The following ELMO1 variants were observed in gnomAD, a reference collection of about 807,000 sequenced individuals.
ELMO1 encodes engulfment and cell motility 1, also known as engulfment and cell motility protein 1.
In ELMO1, 26 loss-of-function variants were observed where a neutral mutation model predicts 98.9. The ratio of observed to expected loss-of-function variants is 0.26; its 90% CI spans 0.19 to 0.36. The LOEUF is 0.36. ELMO1 is among the 10% of genes least tolerant of loss of function. ELMO1 has a pLI of 1.00. For missense variants in ELMO1, 627 were observed against 935.2 expected, an observed-to-expected ratio of 0.67 and a Z score of 4.30; for synonymous variants, 346 against 346.0, an observed-to-expected ratio of 1.00 and a Z score of 0.00.
At chr7:37,293,717 A>AT (rs1258668957) in intron 4 of ELMO1, among the ~76,000 whole-genome samples, 3 of 95,944 alleles carry the variant, frequency 3.1e-5, no homozygotes, top group East Asian at 2.3e-4. Context: ...ATGATCAATA[A>AT]AAAAAAAAAT....
At position 36,887,696 on chromosome 7, in the gene ELMO1, C is replaced by A. The variant is rs1452428085; in HGVS notation, c.1602-24G>T. Reference sequence around the variant, plus strand: ...CCCTGTTAGAGGAAAAACACATATTCCACAGCATGCCTTGAGAAACAGAGT... The same window carrying A: ...CCCTGTTAGAGGAAAAACACATATTACACAGCATGCCTTGAGAAACAGAGT... On this transcript the variant is annotated intron_variant, in intron 17 of 21. Transcript: ENST00000310758. 2.5e-6 allele frequency: 4 copies of A among 1,607,542 alleles called. No homozygotes were observed. In the African/African-American group the frequency reaches 5.4e-5, roughly 22 times the overall value.
chr7:36,959,546 AC>A (rs1239447421), intron 16 of ELMO1, among the ~76,000 whole-genome samples: 2 of 150,884 alleles, frequency 1.3e-5, no homozygotes, highest in Non-Finnish European at 3.0e-5. Flanking sequence ...TCCATTTCTC[AC>A]CCCTCTGCCT....
intron 13 of ELMO1, among the ~76,000 whole-genome samples, chr7:37,190,379 T>C (rs1415859708): frequency 2.0e-5 from 3 of 152,244 alleles, no homozygotes; most frequent in Non-Finnish European, 4.4e-5. Context: ...ATCTAAGTTT[T>C]GTACCTAAAA....
chr7:36,956,391 C>CT (rs1788445325), intron 16 of ELMO1, among the ~76,000 whole-genome samples: 1 of 152,082 alleles, frequency 6.6e-6, no homozygotes, highest in Non-Finnish European at 1.5e-5. Flanking sequence ...GCCTTCTTGT[C>CT]TTTTTTGAAA....
At chr7:37,216,173 A>G (rs1335308800) in intron 11 of ELMO1, among the ~76,000 whole-genome samples, 1 of 151,368 alleles carries the variant, frequency 6.6e-6, no homozygotes, top group Non-Finnish European at 1.5e-5. Context: ...GTCATCTTGC[A>G]TCGCAGCGAA....
intron 13 of ELMO1, among the ~76,000 whole-genome samples, chr7:37,191,490 T>C (rs1791572659): frequency 6.6e-6 from 1 of 152,154 alleles, no homozygotes; most frequent in South Asian, 2.1e-4. Context: ...AATCTAACAA[T>C]CTGTTCTAAG....
At chr7:37,325,044 C>T (rs1179813489) in intron 2 of ELMO1, among the ~76,000 whole-genome samples, 1 of 152,190 alleles carries the variant, frequency 6.6e-6, no homozygotes, top group East Asian at 1.9e-4. Context: ...TAGGGCATTA[C>T]ATAACGTTAT....
At chr7:37,337,101 G>A (rs920324125) in intron 2 of ELMO1, among the ~76,000 whole-genome samples, 3 of 152,128 alleles carry the variant, frequency 2.0e-5, no homozygotes, top group Admixed American at 6.5e-5. Flanking sequence ...ACATGCACAC[G>A]TATGTTTATT....
At chr7:37,406,384 C>A (rs1583700264) in intron 1 of ELMO1, among the ~76,000 whole-genome samples, 1 of 150,372 alleles carries the variant, frequency 6.7e-6, no homozygotes. Flanking sequence ...TGCAATGAAA[C>A]TAAAAACATA....
chr7:37,343,330 C>A (rs1432042279), intron 1 of ELMO1, among the ~76,000 whole-genome samples: 4 of 152,062 alleles, frequency 2.6e-5, no homozygotes, highest in African/African-American at 9.7e-5. Context: ...TCACACAATG[C>A]ACCTTCGGTG....
chr7:37,423,016 T>G (rs1225157615), intron 1 of ELMO1, among the ~76,000 whole-genome samples: 1 of 152,232 alleles, frequency 6.6e-6, no homozygotes, highest in Non-Finnish European at 1.5e-5. Context: ...CATAACTTGT[T>G]TAAATTTTCC....
chr7:37,127,517 G>C (rs1786610816), intron 14 of ELMO1, among the ~76,000 whole-genome samples: 1 of 152,128 alleles, frequency 6.6e-6, no homozygotes, highest in African/African-American at 2.4e-5. Flanking sequence ...CTAAGTCCCA[G>C]CTCCTGAATT....
chr7:37,318,032 A>G (rs1234460519), intron 2 of ELMO1, among the ~76,000 whole-genome samples: 1 of 152,244 alleles, frequency 6.6e-6, no homozygotes. Context: ...GAGGAGCAGA[A>G]AGATGGTGGG....
At chr7:36,872,958 G>A (rs1372518453) in intron 19 of ELMO1, among the ~76,000 whole-genome samples, 1 of 152,142 alleles carries the variant, frequency 6.6e-6, no homozygotes, top group Non-Finnish European at 1.5e-5. Context: ...GTATGGAATG[G>A]GACAAGAGTA....
chr7:37,289,214 A>T (rs564273462), intron 4 of ELMO1, among the ~76,000 whole-genome samples: 2 of 152,294 alleles, frequency 1.3e-5, no homozygotes, highest in East Asian at 3.9e-4. Context: ...ATATCTATAA[A>T]CTAAAGCTCA....
At chr7:37,408,626 G>T (rs187246367) in intron 1 of ELMO1, among the ~76,000 whole-genome samples, 11 of 152,320 alleles carry the variant, frequency 7.2e-5, no homozygotes, top group African/African-American at 2.6e-4. Flanking sequence ...GATAAACTTT[G>T]AGGACATGAT....
chr7:37,128,316 G>C (rs945206984), intron 14 of ELMO1, among the ~76,000 whole-genome samples: 19 of 152,218 alleles, frequency 1.2e-4, no homozygotes, highest in Non-Finnish European at 2.2e-4. Flanking sequence ...TCATGGGCAT[G>C]AGCCAAGAAC....
rs535554297 is a variant in ELMO1, at chr7:36,936,157, C to T, written c.1438-41140G>A. ...TTTGGTTCAGAAATAGAAGTGGGCA[C>T]AAATTCAAGCCAAGGACCAAGCAGA... On this transcript the variant is annotated intron_variant, in intron 16 of 21. Transcript: ENST00000310758. Among the ~76,000 whole-genome samples, 10 of 152,252 alleles carry T rather than the reference C, an allele frequency of 6.6e-5. No individual in the cohort carries two copies. The South Asian group carries it at 1.9e-3, about 28-fold the overall frequency.
chr7:37,422,529 T>C (rs1804516036), intron 1 of ELMO1, among the ~76,000 whole-genome samples: 1 of 152,234 alleles, frequency 6.6e-6, no homozygotes, highest in Admixed American at 6.5e-5. Flanking sequence ...TTCGCAGGAA[T>C]ATACAAGACT....
Sources: gnomAD v4.1 joint callset for allele counts (sites outside exome capture counted in the v4.1 genomes callset) on GRCh38, gnomAD v4.1.1 for gene constraint, MANE v1.5 for transcripts, NCBI Gene and HGNC (gene_info 2026-07-23, HGNC 2026-07-21) for gene names.